Variants in GRIP1 observed in about 807,000 individuals in gnomAD.
GRIP1 encodes the protein glutamate receptor interacting protein 1.
In GRIP1, 45 loss-of-function variants were observed where a neutral mutation model predicts 129.9. The observed-to-expected ratio is 0.35, with a 90% CI of 0.27 to 0.44. The LOEUF is 0.44. Among genes scored for constraint, GRIP1 ranks in the 20% least tolerant of loss-of-function variants. The pLI, the probability that GRIP1 is intolerant of heterozygous loss-of-function variation, is 1.00. For synonymous variants in GRIP1, 530 were observed against 520.8 expected, an observed-to-expected ratio of 1.02 and a Z score of -0.24; for missense variants, 1,196 against 1,396.8, an observed-to-expected ratio of 0.86 and a Z score of 2.29.
At position 66,726,476 on chromosome 12, in the gene GRIP1, AC is replaced by A. The variant is rs551095140; in HGVS notation, c.-420+77576del. On this transcript the variant is annotated intron_variant, in intron 1 of 4. Transcript: ENST00000538373. ...AATATAGGGCATAACTCCAACAACA[AC>A]AACAAAACAAAACAAACACAACAAC... Among the ~76,000 whole-genome samples, 548 of 152,298 alleles carry A rather than the reference AC, an allele frequency of 3.6e-3. 2 individuals carry two copies. Among genetic ancestry groups the A allele is most frequent in the African/African-American group, 0.012 (508 of 41,560 alleles).
chr12:66,370,828 T>G (rs2055446333), intron 23 of GRIP1, among the ~76,000 whole-genome samples: 1 of 152,144 alleles, frequency 6.6e-6, no homozygotes, highest in Admixed American at 6.5e-5. Flanking sequence ...TGTGCAAGAG[T>G]GGGTTTTGTT....
At chr12:66,390,764 GTC>G (rs1035382850) in intron 19 of GRIP1, among the ~76,000 whole-genome samples, 1 of 152,168 alleles carries the variant, frequency 6.6e-6, no homozygotes, top group Admixed American at 6.5e-5. Context: ...ATAAACCTGA[GTC>G]TACTCTGATA....
At chr12:66,688,069 C>T (rs1276761087) in intron 1 of GRIP1, among the ~76,000 whole-genome samples, 3 of 152,154 alleles carry the variant, frequency 2.0e-5, no homozygotes, top group African/African-American at 7.2e-5. Context: ...TGGAGAGTGA[C>T]ATATTCCTGG....
At chr12:66,453,824 T>C (rs56219012) in intron 11 of GRIP1, among the ~76,000 whole-genome samples, 35,034 of 152,098 alleles carry the variant, frequency 0.23, 4,527 homozygotes, top group Middle Eastern at 0.41. Flanking sequence ...AAGGTAATGA[T>C]GCTGGGATGG....
intron 1 of GRIP1, among the ~76,000 whole-genome samples, chr12:66,756,427 G>A (rs1230652632): frequency 2.0e-5 from 3 of 152,190 alleles, no homozygotes; most frequent in Non-Finnish European, 4.4e-5. Context: ...CTGTATAACT[G>A]AGCATTAACT....
chr12:66,385,756 C>T (rs1187108837), intron 19 of GRIP1, among the ~76,000 whole-genome samples: 1 of 151,922 alleles, frequency 6.6e-6, no homozygotes, highest in Non-Finnish European at 1.5e-5. Flanking sequence ...ATTACAGACA[C>T]ACACCACCAC....
At chr12:66,837,672 T>C (rs547043241) in intron 1 of GRIP1, among the ~76,000 whole-genome samples, 1 of 152,294 alleles carries the variant, frequency 6.6e-6, no homozygotes, top group East Asian at 1.9e-4. Flanking sequence ...TTTAGGAAAA[T>C]TACTCTGTTG....
At chr12:66,482,018 A>G (rs1452819197) in intron 7 of GRIP1, among the ~76,000 whole-genome samples, 1 of 152,144 alleles carries the variant, frequency 6.6e-6, no homozygotes, top group Non-Finnish European at 1.5e-5. Context: ...TGATGGGTGC[A>G]GCAGACCACC....
chr12:66,831,282 G>A (rs552819984), intron 1 of GRIP1, among the ~76,000 whole-genome samples: 1 of 152,100 alleles, frequency 6.6e-6, no homozygotes, highest in African/African-American at 2.4e-5. Context: ...CACTAGGCTC[G>A]TTTTTTCCAG....
At chr12:66,621,789 A>G (rs2065278080) in intron 1 of GRIP1, among the ~76,000 whole-genome samples, 1 of 152,048 alleles carries the variant, frequency 6.6e-6, no homozygotes, top group Non-Finnish European at 1.5e-5. Flanking sequence ...AGCCATCCTA[A>G]TGGATATAAA....
rs556408149 is a variant in GRIP1, at chr12:66,490,054, C to T, written c.725-24632G>A. Reference sequence around the variant, plus strand: ...AATATTGTGAAAATGGCCATACTGCCCACAGTACAGTATAGATTCAATGTT... The same window carrying T: ...AATATTGTGAAAATGGCCATACTGCTCACAGTACAGTATAGATTCAATGTT... On this transcript the variant is annotated intron_variant, in intron 7 of 24. Coordinates refer to ENST00000359742, the MANE Select transcript of GRIP1 (RefSeq NM_001366722.1). 9.9e-5 allele frequency among the ~76,000 whole-genome samples: 15 copies of T among 152,186 alleles called. No individual in the cohort carries two copies. The South Asian group carries it at 3.1e-3, about 32-fold the overall frequency.
At chr12:67,008,426 A>T (rs2042658707) in intron 1 of GRIP1, among the ~76,000 whole-genome samples, 1 of 152,200 alleles carries the variant, frequency 6.6e-6, no homozygotes, top group Admixed American at 6.6e-5. Context: ...CTTTAACAGA[A>T]GGCCACTCAA....
intron 14 of GRIP1, among the ~76,000 whole-genome samples, chr12:66,429,508 G>A (rs1007351698): frequency 6.6e-6 from 1 of 152,044 alleles, no homozygotes; most frequent in Non-Finnish European, 1.5e-5. Context: ...ACCAGCCTGG[G>A]CAACACAGTG....
At chr12:66,671,659 C>A (rs2034088135) in intron 1 of GRIP1, among the ~76,000 whole-genome samples, 1 of 152,132 alleles carries the variant, frequency 6.6e-6, no homozygotes, top group Admixed American at 6.5e-5. Context: ...AGCAATGACC[C>A]ACTTACAAAA....
At chr12:66,785,307 C>CATAT (rs1337681764) in intron 1 of GRIP1, among the ~76,000 whole-genome samples, 10 of 58,896 alleles carry the variant, frequency 1.7e-4, no homozygotes, top group African/African-American at 5.4e-4. Context: ...AAGAATTTAA[C>CATAT]ATACATACAT....
rs1027827984 is a variant in GRIP1 at position 66,348,005 on chromosome 12, A to AATT, written c.*1011_*1013dup. The AATT allele has an allele frequency of 6.6e-6, 1 of 152,218 alleles. No homozygotes were observed. The highest frequency in any genetic ancestry group is 1.5e-5 in the Non-Finnish European group (1 of 68,040). 9.4% of individuals were successfully genotyped at this position (152,218 alleles called of 1,614,324 possible). A position where few individuals can be genotyped will look rare whatever the true frequency, so the allele number is the denominator to read the frequency against. ...GACAAACATTTAAAGCAACTGTCAC[A>AATT]ATTTATTGCTTTGAGGGATGGTAAT... is the stretch of plus-strand genomic sequence containing the variant. On this transcript the variant is annotated 3_prime_UTR_variant, in exon 25 of 25. Coordinates refer to ENST00000359742, the MANE Select transcript of GRIP1 (RefSeq NM_001366722.1).
chr12:66,363,200 C>CATATATATATATATATAT (rs35452357), intron 23 of GRIP1, among the ~76,000 whole-genome samples: 10 of 88,242 alleles, frequency 1.1e-4, no homozygotes, highest in African/African-American at 1.5e-4. Context: ...TGTGTGTGTC[C>CATATATATATATATATAT]ATATATATAT....
At chr12:66,438,433 T>C (rs534972930) in intron 13 of GRIP1, among the ~76,000 whole-genome samples, 11 of 151,194 alleles carry the variant, frequency 7.3e-5, no homozygotes, top group African/African-American at 2.4e-4. Flanking sequence ...CAGTCTGAAG[T>C]TCCTGATCCC....
intron 1 of GRIP1, among the ~76,000 whole-genome samples, chr12:67,017,436 G>C (rs1015256461): frequency 6.6e-6 from 1 of 152,062 alleles, no homozygotes; most frequent in Non-Finnish European, 1.5e-5. Context: ...GAATTAGGAA[G>C]AGACTATTAA....
Sources: gnomAD v4.1 joint callset for allele counts (sites outside exome capture counted in the v4.1 genomes callset) on GRCh38, gnomAD v4.1.1 for gene constraint, MANE v1.5 for transcripts, NCBI Gene and HGNC (gene_info 2026-07-23, HGNC 2026-07-21) for gene names.